Variants in TBCB observed in about 807,000 individuals in gnomAD.
TBCB encodes the protein tubulin folding cofactor B.
Under a neutral mutation model 29.2 loss-of-function variants are expected in TBCB, and 18 were observed. The observed-to-expected ratio is 0.62, with a 90% CI of 0.43 to 0.91. The LOEUF (loss-of-function observed/expected upper bound fraction) is 0.91, where lower values mean the gene tolerates loss of function less well. Among genes scored for constraint, TBCB ranks in the 40% least tolerant of loss-of-function variants. The probability of loss-of-function intolerance (pLI) is 0.00; values close to 1 mark genes in which losing one functional copy is unlikely to be tolerated. For synonymous variants in TBCB, 172 were observed against 137.8 expected, an observed-to-expected ratio of 1.25 and a Z score of -1.74; for missense variants, 336 against 337.6, an observed-to-expected ratio of 1.00 and a Z score of 0.04.
chr19:36,115,590 G>C lies in TBCB; in HGVS notation c.30G>C (p.Thr10=). MEVTGVSAP[T]VTVFISSSLN... is the part of the protein sequence containing the mutation. ...AGGTGACGGGGGTGTCGGCACCCAC[G>C]GTGACCGTTTTCATCAGCAGCTCCC... The change falls in exon 1 of 6, where the codon ACG becomes ACC. Residue 10 remains threonine (T), a synonymous_variant. Coordinates refer to ENST00000221855, the MANE Select transcript of TBCB (RefSeq NM_001281.3). 1 of 1,610,168 alleles carries C rather than the reference G, an allele frequency of 6.2e-7. No homozygotes were observed. Among genetic ancestry groups the C allele is most frequent in the South Asian group, 1.1e-5 (1 of 90,302 alleles).
rs1316206160 is a variant in TBCB, at chr19:36,115,596, C to G, written c.36C>G (p.Thr12=). ...CGGGGGTGTCGGCACCCACGGTGAC[C>G]GTTTTCATCAGCAGCTCCCTCAACA... The part of the protein sequence containing the change: ...EVTGVSAPTV[T]VFISSSLNTF... The change falls in exon 1 of 6, where the codon ACC becomes ACG. Residue 12 remains threonine (T), a synonymous_variant. Coordinates refer to ENST00000221855, the MANE Select transcript of TBCB (RefSeq NM_001281.3). The G allele has an allele frequency of 3.1e-6, 5 of 1,610,124 alleles. No individual in the cohort carries two copies. Among genetic ancestry groups the G allele is most frequent in the Non-Finnish European group, 4.2e-6 (5 of 1,178,554 alleles).
chr19:36,121,938 G>A, intron 4 of TBCB: 1 of 638,280 alleles, frequency 1.6e-6, no homozygotes, highest in Admixed American at 3.0e-5. Flanking sequence ...GGAGTGATCT[G>A]TCCAGCGAGG....
At chr19:36,120,162 CCTTT>C (rs2145908012) in intron 2 of TBCB, among the ~76,000 whole-genome samples, 1 of 152,256 alleles carries the variant, frequency 6.6e-6, no homozygotes, top group South Asian at 2.1e-4. Flanking sequence ...GGTACCTGTT[CCTTT>C]GTTTGTGGTT....
chr19:36,116,481 A>T, intron 2 of TBCB: 1 of 331,044 alleles, frequency 3.0e-6, no homozygotes, highest in Non-Finnish European at 5.7e-6. Context: ...GGATGAGGAA[A>T]GGGTGACTTA....
intron 4 of TBCB, among the ~76,000 whole-genome samples, chr19:36,124,289 C>T (rs1974102080): frequency 6.6e-6 from 1 of 152,220 alleles, no homozygotes; most frequent in Admixed American, 6.5e-5. Context: ...GTGGTGCTCT[C>T]AGCTCACTGC....
intron 3 of TBCB, among the ~76,000 whole-genome samples, 156 bp downstream of exon 3, chr19:36,120,962 G>T (rs1185198845): frequency 6.6e-6 from 1 of 151,770 alleles, no homozygotes; most frequent in Non-Finnish European, 1.5e-5. Flanking sequence ...CTGGGAGTGG[G>T]GACAGACGGA....
upstream of TBCB, chr19:36,115,425 G>T (rs919799287): frequency 1.0e-4 from 69 of 663,720 alleles, 2 homozygotes; most frequent in South Asian, 6.8e-4. Flanking sequence ...GGACGCTCCT[G>T]GCAGGAGAGC....
At chr19:36,124,922 C>T (rs1974112467) in intron 4 of TBCB, among the ~76,000 whole-genome samples, 1 of 152,112 alleles carries the variant, frequency 6.6e-6, no homozygotes, top group African/African-American at 2.4e-5. Context: ...CTTCCTGTTG[C>T]CCACTTTGTA....
At chr19:36,118,213 TGA>T (rs1288356100) in intron 2 of TBCB, among the ~76,000 whole-genome samples, 1 of 152,200 alleles carries the variant, frequency 6.6e-6, no homozygotes, top group Non-Finnish European at 1.5e-5. Context: ...TGACTGCATC[TGA>T]GAAGTTCTAG....
At position 36,115,477 on chromosome 19, in the gene TBCB, C is replaced by T; in HGVS notation, c.-84C>T. 1.9e-6 allele frequency: 2 copies of T among 1,047,930 alleles called. No individual in the cohort carries two copies. The highest frequency in any genetic ancestry group is 4.3e-5 in the Admixed American group (2 of 47,012). The allele number at this position is 1,047,930 out of a possible 1,614,324, so 64.9% of individuals were successfully genotyped here. On this transcript the variant is annotated 5_prime_UTR_variant, in exon 1 of 6. Transcript: ENST00000221855. ...CGGAGCAGGAGGCGGGGCTGATAGC[C>T]CAGCAGCAGCAGCGGCGGCGGCGGC...
chr19:36,124,383 G>T (rs530998004), intron 4 of TBCB, among the ~76,000 whole-genome samples: 18 of 151,714 alleles, frequency 1.2e-4, no homozygotes, highest in African/African-American at 4.1e-4. Context: ...ACAACACCTG[G>T]CTAATTTCTG....
At position 36,116,175 on chromosome 19, in the gene TBCB, CCGCA is replaced by C; in HGVS notation, c.250_253del (p.Arg84SerfsTer41). On this transcript the variant is annotated frameshift_variant, in exon 2 of 6. Coordinates refer to ENST00000221855, the MANE Select transcript of TBCB (RefSeq NM_001281.3). LOFTEE classifies it high-confidence loss of function. ...GCTCCTACCCTGTAGATGACGGCTG[CCGCA>C]TCCACGTGAGGACTCTCTATCTGGG... 6.2e-7 allele frequency: 1 copy of C among 1,614,004 alleles called. No homozygotes were observed. Among genetic ancestry groups the C allele is most frequent in the Non-Finnish European group, 8.5e-7 (1 of 1,179,924 alleles).
chr19:36,117,149 C>T (rs1248210182), intron 2 of TBCB, among the ~76,000 whole-genome samples: 2 of 152,112 alleles, frequency 1.3e-5, no homozygotes, highest in Non-Finnish European at 2.9e-5. Flanking sequence ...CCCTTCTTTG[C>T]TTTATTTTAG....
chr19:36,115,170 C>T (rs1283116664), upstream of TBCB: 8 of 556,656 alleles, frequency 1.4e-5, no homozygotes, highest in Non-Finnish European at 2.2e-5. Context: ...GCATCCAGGA[C>T]AGAAGCCAAG....
intron 4 of TBCB, chr19:36,122,190 A>C: frequency 4.5e-6 from 1 of 223,362 alleles, no homozygotes; most frequent in Non-Finnish European, 9.1e-6. Flanking sequence ...AGAGCGCAGG[A>C]GGTCCACCTG....
At chr19:36,119,840 G>A (rs1974014046) in intron 2 of TBCB, among the ~76,000 whole-genome samples, 1 of 151,102 alleles carries the variant, frequency 6.6e-6, no homozygotes, top group Admixed American at 6.6e-5. Flanking sequence ...AGGTTTCCGT[G>A]AGCTGAGATC....
chr19:36,122,587 A>AG (rs1396854800), intron 4 of TBCB, among the ~76,000 whole-genome samples: 2 of 151,220 alleles, frequency 1.3e-5, no homozygotes, highest in Non-Finnish European at 2.9e-5. Context: ...AAAAAAAAAA[A>AG]AAATCCCACA....
Position 36,121,654 on chromosome 19 carries a change from G to C in TBCB, c.483G>C (p.Val161=). The C allele has an allele frequency of 6.4e-7, 1 of 1,562,744 alleles. No individual in the cohort carries two copies. The highest frequency in any genetic ancestry group is 8.7e-7 in the Non-Finnish European group (1 of 1,155,130). Residue 161 remains valine, a synonymous_variant, in exon 4 of 6, where the codon GTG becomes GTC. Transcript: ENST00000221855. ...EEKAQASSIP[V]GSRCEVRAAG... ...AGGCCCAGGCCAGCTCCATCCCCGT[G>C]GGCAGCCGCTGTGAGGTGCGGGCGG...
At chr19:36,116,275 C>T (rs897519364) in intron 2 of TBCB, 91 bp downstream of exon 2, 1 of 1,529,208 alleles carries the variant, frequency 6.5e-7, no homozygotes, top group East Asian at 2.3e-5. Flanking sequence ...CAGTCATACC[C>T]GAGATAGGTC....
Sources: gnomAD v4.1 joint callset for allele counts (sites outside exome capture counted in the v4.1 genomes callset) on GRCh38, gnomAD v4.1.1 for gene constraint, MANE v1.5 for transcripts, NCBI Gene and HGNC (gene_info 2026-07-23, HGNC 2026-07-21) for gene names.